FMN2: variants seen among roughly 807,000 people sequenced by gnomAD.
FMN2 encodes the protein formin 2.
In FMN2, 51 loss-of-function variants were observed where a neutral mutation model predicts 142.3. That is an observed-to-expected ratio of 0.36 (90% CI 0.29 to 0.45). The LOEUF is 0.45. Among genes scored for constraint, FMN2 ranks in the 20% least tolerant of loss-of-function variants. The pLI is 1.00. For synonymous variants in FMN2, 882 were observed against 869.8 expected (o/e 1.01, Z -0.25); for missense variants, 1,936 against 2,122.8 (o/e 0.91, Z 1.73).
chr1:240,301,531 A>G (rs1670196617), intron 8 of FMN2, among the ~76,000 whole-genome samples: 1 of 151,904 alleles, frequency 6.6e-6, no homozygotes, highest in Non-Finnish European at 1.5e-5. Flanking sequence ...TCTGTAGTGT[A>G]TTTTGAAAAC....
At chr1:240,134,776 G>A (rs1220885554) in intron 2 of FMN2, among the ~76,000 whole-genome samples, 1 of 152,056 alleles carries the variant, frequency 6.6e-6, no homozygotes, top group African/African-American at 2.4e-5. Context: ...CTTCTTCTGG[G>A]CTTATTGCCA....
At chr1:240,166,771 A>G (rs1383688523) in intron 2 of FMN2, among the ~76,000 whole-genome samples, 1 of 152,194 alleles carries the variant, frequency 6.6e-6, no homozygotes, top group African/African-American at 2.4e-5. Flanking sequence ...ATTTTTGCAT[A>G]TCACTGATAT....
chr1:240,321,911 T>C (rs1048785356), intron 8 of FMN2, among the ~76,000 whole-genome samples: 3 of 152,224 alleles, frequency 2.0e-5, no homozygotes, highest in Non-Finnish European at 4.4e-5. Context: ...TAATACCTAA[T>C]ATGGTAAATA....
intron 2 of FMN2, among the ~76,000 whole-genome samples, chr1:240,131,962 A>T (rs886117031): frequency 1.3e-5 from 2 of 152,242 alleles, no homozygotes; most frequent in African/African-American, 4.8e-5. Context: ...AACTAAAATT[A>T]GCATCTGAGT....
At chr1:240,387,803 G>A (rs1673453866) in intron 14 of FMN2, among the ~76,000 whole-genome samples, 1 of 152,082 alleles carries the variant, frequency 6.6e-6, no homozygotes, top group South Asian at 2.1e-4. Flanking sequence ...CTACTTTGTA[G>A]TAATACTGAT....
At chr1:240,295,638 G>A (rs934254783) in intron 8 of FMN2, among the ~76,000 whole-genome samples, 1 of 152,162 alleles carries the variant, frequency 6.6e-6, no homozygotes, top group Admixed American at 6.5e-5. Flanking sequence ...TGGTGTATAT[G>A]TACCACATTT....
chr1:240,198,476 C>A lies in FMN2; in HGVS notation c.1987-8323C>A, dbSNP rs575486996. Among the ~76,000 whole-genome samples the A allele has an allele frequency of 2.0e-5, 3 of 152,278 alleles. No individual in the cohort carries two copies. The South Asian group carries it at 6.2e-4, about 32-fold the overall frequency. On this transcript the variant is annotated intron_variant, in intron 4 of 17. Coordinates refer to ENST00000319653, the MANE Select transcript of FMN2 (RefSeq NM_020066.5). ...GGAATGGAAAGAGATTTGCCATGTC[C>A]ATTCCAGTTCAGAAATATTATAATT... is the stretch of plus-strand genomic sequence containing the variant.
intron 6 of FMN2, chr1:240,245,324 CT>C (rs1477316055): frequency 2.6e-4 from 95 of 365,136 alleles, no homozygotes; most frequent in Admixed American, 1.1e-3. Flanking sequence ...GACTGAGATC[CT>C]AGAGGCAGAA....
intron 2 of FMN2, among the ~76,000 whole-genome samples, chr1:240,155,893 AC>A (rs1664003212): frequency 7.0e-6 from 1 of 143,494 alleles, no homozygotes; most frequent in South Asian, 2.2e-4. Flanking sequence ...AAAATTAGAT[AC>A]TTTTTTTTTT....
chr1:240,385,695 A>G (rs1673381233), intron 14 of FMN2, among the ~76,000 whole-genome samples: 1 of 152,154 alleles, frequency 6.6e-6, no homozygotes, highest in Non-Finnish European at 1.5e-5. Context: ...TTCACTGAGG[A>G]CCACTTCAAT....
At chr1:240,119,104 C>T (rs112532859) in intron 1 of FMN2, among the ~76,000 whole-genome samples, 3,795 of 151,610 alleles carry the variant, frequency 0.025, 147 homozygotes, top group African/African-American at 0.086. Flanking sequence ...CTGAGGTGGG[C>T]GGATCACGAG....
chr1:240,191,404 G>A (rs1251468629), intron 4 of FMN2, among the ~76,000 whole-genome samples: 2 of 152,208 alleles, frequency 1.3e-5, no homozygotes, highest in African/African-American at 4.8e-5. Flanking sequence ...AGAACGGACT[G>A]TAGCTACTCC....
In FMN2 at chr1:240,379,900, A is replaced by C. The variant is rs1044974601; in HGVS notation, c.4859-12611A>C. 7.2e-4 allele frequency among the ~76,000 whole-genome samples: 110 copies of C among 152,286 alleles called. 2 individuals are homozygous for C. Among genetic ancestry groups the C allele is most frequent in the African/African-American group, 2.6e-3 (110 of 41,562 alleles). On this transcript the variant is annotated intron_variant, in intron 14 of 17. Coordinates refer to ENST00000319653, the MANE Select transcript of FMN2 (RefSeq NM_020066.5). ...GTGGAAATATTTTTCCACTGGTTTAAATTTAACACAATTCATCAGGTCAAC... is the reference window on the plus strand; with the variant it reads ...GTGGAAATATTTTTCCACTGGTTTACATTTAACACAATTCATCAGGTCAAC...
At chr1:240,123,453 C>G (rs1662367634) in intron 2 of FMN2, 108 bp downstream of exon 2, 2 of 1,073,264 alleles carry the variant, frequency 1.9e-6, no homozygotes, top group Non-Finnish European at 2.5e-6. Context: ...ACATGTGATT[C>G]AAGCATTTTT....
chr1:240,450,027 CAA>C (rs1040461121), intron 16 of FMN2, among the ~76,000 whole-genome samples: 14 of 151,878 alleles, frequency 9.2e-5, no homozygotes, highest in African/African-American at 3.4e-4. Context: ...TTTTATAACT[CAA>C]AGTTATAAGT....
chr1:240,387,650 G>C (rs920630674), intron 14 of FMN2, among the ~76,000 whole-genome samples: 2 of 152,166 alleles, frequency 1.3e-5, no homozygotes, highest in African/African-American at 2.4e-5. Flanking sequence ...TAATTTCTCT[G>C]TTGCTGTAAA....
Position 240,178,024 on chromosome 1 carries a change from C to T in FMN2, c.1886C>T (p.Ser629Phe). The change falls in exon 3 of 18, where the codon TCC becomes TTC. Residue 629 changes from serine (S) to phenylalanine (F), a missense_variant. Ser to Phe is a radical substitution (Grantham distance 155). Coordinates refer to ENST00000319653, the MANE Select transcript of FMN2 (RefSeq NM_020066.5). ...PRRVPSMGPP[S>F]KPPDEEHRLE... ...CGAGTTCCATCCATGGGGCCACCAT[C>T]CAAACCTCCCGATGAGGAACACAGG... is the stretch of plus-strand genomic sequence containing the variant. 6.2e-7 allele frequency: 1 copy of T among 1,611,584 alleles called. No individual in the cohort carries two copies. The highest frequency in any genetic ancestry group is 8.5e-7 in the Non-Finnish European group (1 of 1,179,116).
intron 14 of FMN2, among the ~76,000 whole-genome samples, chr1:240,363,141 G>A (rs1672549649): frequency 1.3e-5 from 2 of 152,194 alleles, no homozygotes; most frequent in Admixed American, 1.3e-4. Context: ...TAGTAGAAGA[G>A]AATATCTTTC....
intron 8 of FMN2, among the ~76,000 whole-genome samples, chr1:240,318,965 T>G (rs1191559570): frequency 6.6e-6 from 1 of 152,206 alleles, no homozygotes; most frequent in Non-Finnish European, 1.5e-5. Context: ...AAAACCTGAC[T>G]TGATTTTGAA....
Sources: allele counts gnomAD v4.1 joint callset (sites outside exome capture counted in the v4.1 genomes callset), GRCh38; gene constraint gnomAD v4.1.1; transcripts MANE v1.5; gene names NCBI Gene and HGNC (gene_info 2026-07-23, HGNC 2026-07-21).